The following GRIK2 variants were observed in gnomAD, a reference collection of about 807,000 sequenced individuals.
GRIK2 encodes glutamate ionotropic receptor kainate type subunit 2.
Under a neutral mutation model 100.3 loss-of-function variants are expected in GRIK2, and 32 were observed. The ratio of observed to expected loss-of-function variants is 0.32; its 90% CI spans 0.24 to 0.43. GRIK2 has a LOEUF of 0.43. GRIK2 is among the 20% of genes least tolerant of loss of function. GRIK2 has a pLI of 1.00. For missense variants in GRIK2, 843 were observed against 1,114.9 expected (o/e 0.76, Z 3.47); for synonymous variants, 417 against 389.4 (o/e 1.07, Z -0.83).
At chr6:101,861,660 CTTAATA>C in intron 11 of GRIK2, among the ~76,000 whole-genome samples, 1 of 152,090 alleles carries the variant, frequency 6.6e-6, no homozygotes, top group East Asian at 1.9e-4. Context: ...GAAAATTACT[CTTAATA>C]TTAAAACAAA....
chr6:101,423,470 A>G (rs1435528025), intron 2 of GRIK2, among the ~76,000 whole-genome samples: 1 of 152,016 alleles, frequency 6.6e-6, no homozygotes, highest in Non-Finnish European at 1.5e-5. Context: ...TTTTTTATGT[A>G]TTTATTTTTG....
rs140162005 is a variant in GRIK2 at position 101,803,598 on chromosome 6, A to G, written c.1203+1160A>G. 4.1e-3 allele frequency among the ~76,000 whole-genome samples: 630 copies of G among 152,000 alleles called. 8 individuals are homozygous for G. Among genetic ancestry groups the G allele is most frequent in the African/African-American group, 0.015 (604 of 41,526 alleles). On this transcript the variant is annotated intron_variant, in intron 9 of 16. Coordinates refer to ENST00000369134, the MANE Select transcript of GRIK2 (RefSeq NM_021956.5). ...GTCTGTGTCCAAGACTGGAGTTGAT[A>G]ATGGTAGAATTCAGTAAGCTCGTGA...
At chr6:102,046,101 A>T (rs935602937) in intron 15 of GRIK2, among the ~76,000 whole-genome samples, 1 of 152,146 alleles carries the variant, frequency 6.6e-6, no homozygotes, top group African/African-American at 2.4e-5. Context: ...GAAGGTCATT[A>T]TTTAATGATA....
chr6:101,550,713 G>A (rs915454728), intron 2 of GRIK2, among the ~76,000 whole-genome samples: 1 of 152,178 alleles, frequency 6.6e-6, no homozygotes, highest in Non-Finnish European at 1.5e-5. Flanking sequence ...CTAGTCAACA[G>A]TGAATAGCAT....
intron 2 of GRIK2, among the ~76,000 whole-genome samples, chr6:101,577,066 T>A (rs1227226691): frequency 1.3e-5 from 2 of 152,064 alleles, no homozygotes; most frequent in Non-Finnish European, 2.9e-5. Context: ...AATGTTTGAT[T>A]TCTTAAAGAT....
rs950820104 is a variant in GRIK2, at chr6:101,489,984, T to C, written c.115+90592T>C. Among the ~76,000 whole-genome samples, 2 of 146,806 alleles carry C rather than the reference T, an allele frequency of 1.4e-5. 1 individual carries two copies. The highest frequency in any genetic ancestry group is 5.2e-5 in the African/African-American group (2 of 38,620). On this transcript the variant is annotated intron_variant, in intron 2 of 16. Transcript: ENST00000369134. Reference sequence around the variant, plus strand: ...AAAAAATGTTAAAGTGCTAGTGATATTTTTAAATGACTATAGCTGTTATCT... The same window carrying C: ...AAAAAATGTTAAAGTGCTAGTGATACTTTTAAATGACTATAGCTGTTATCT...
chr6:101,463,048 C>T (rs1582505657), intron 2 of GRIK2, among the ~76,000 whole-genome samples: 1 of 152,110 alleles, frequency 6.6e-6, no homozygotes, highest in Non-Finnish European at 1.5e-5. Flanking sequence ...AATGGTTAGC[C>T]ATCTTAAAGA....
chr6:101,637,828 C>T (rs1351182487), intron 4 of GRIK2, among the ~76,000 whole-genome samples: 3 of 152,208 alleles, frequency 2.0e-5, no homozygotes, highest in Middle Eastern at 3.4e-3. Flanking sequence ...TTATAGCTCT[C>T]TCTTACCAAG....
chr6:102,003,416 C>T (rs982105436), intron 14 of GRIK2, among the ~76,000 whole-genome samples: 1 of 151,582 alleles, frequency 6.6e-6, no homozygotes, highest in African/African-American at 2.4e-5. Context: ...TATCACAACA[C>T]CCAAAACACA....
intron 1 of GRIK2, among the ~76,000 whole-genome samples, chr6:101,398,095 T>C (rs941070925): frequency 5.3e-5 from 8 of 152,024 alleles, no homozygotes; most frequent in Admixed American, 4.6e-4. Flanking sequence ...AACTAGCAAA[T>C]GATAAGACAG....
chr6:101,669,238 T>A (rs1260478903), intron 4 of GRIK2, among the ~76,000 whole-genome samples: 1 of 152,176 alleles, frequency 6.6e-6, no homozygotes, highest in African/African-American at 2.4e-5. Context: ...TTCTACTCTG[T>A]CATTAAATAA....
At chr6:102,038,590 G>A (rs1770400277) in intron 15 of GRIK2, among the ~76,000 whole-genome samples, 2 of 151,438 alleles carry the variant, frequency 1.3e-5, no homozygotes, top group South Asian at 4.1e-4. Context: ...TACTGAAAAT[G>A]ATAATAGTGT....
Position 101,699,718 on chromosome 6 carries a change from T to C in GRIK2, c.951+13365T>C, listed in dbSNP as rs181834417. ...AGTGTCTATAAATCCATGTATATAG[T>C]TGCAATTTAAGAAACAGAGGAGAGA... is the stretch of plus-strand genomic sequence containing the variant. On this transcript the variant is annotated intron_variant, in intron 7 of 16. Coordinates refer to ENST00000369134, the MANE Select transcript of GRIK2 (RefSeq NM_021956.5). Among the ~76,000 whole-genome samples the C allele has an allele frequency of 6.6e-5, 10 of 152,224 alleles. No homozygotes were observed. The East Asian group carries it at 1.5e-3, about 24-fold the overall frequency.
intron 12 of GRIK2, among the ~76,000 whole-genome samples, chr6:101,890,982 TA>T (rs776602191): frequency 7.9e-3 from 95 of 11,980 alleles, no homozygotes; most frequent in African/African-American, 0.031. Flanking sequence ...TGTACATATA[TA>T]TATATATATA....
chr6:101,743,700 A>AT lies in GRIK2; in HGVS notation c.952-55947dup, dbSNP rs201360023. ...TTTCATTCATGATAACAAGTGCCCT[A>AT]TGTAGTATGTCCTATCACTTCCATA... On this transcript the variant is annotated intron_variant, in intron 7 of 16. Transcript: ENST00000369134. Among the ~76,000 whole-genome samples, 1,100 of 152,240 alleles carry AT rather than the reference A, an allele frequency of 7.2e-3. 16 individuals carry two copies. Among genetic ancestry groups the AT allele is most frequent in the African/African-American group, 0.025 (1,057 of 41,548 alleles).
intron 10 of GRIK2, among the ~76,000 whole-genome samples, chr6:101,832,723 AT>A (rs1450006169): frequency 1.3e-5 from 2 of 152,244 alleles, no homozygotes; most frequent in East Asian, 1.9e-4. Flanking sequence ...TATACATTTC[AT>A]TTTTTTAAAA....
intron 2 of GRIK2, among the ~76,000 whole-genome samples, chr6:101,447,708 T>C (rs1770457436): frequency 2.6e-5 from 4 of 151,716 alleles, no homozygotes; most frequent in Admixed American, 2.0e-4. Context: ...GAACTATTGA[T>C]GAGACATTAT....
chr6:101,427,897 C>T (rs1342612183), intron 2 of GRIK2, among the ~76,000 whole-genome samples: 1 of 152,142 alleles, frequency 6.6e-6, no homozygotes, highest in Non-Finnish European at 1.5e-5. Flanking sequence ...TGTAAAATTT[C>T]TGGGATGCTT....
At chr6:101,893,430 ATACT>A (rs1438448172) in intron 12 of GRIK2, among the ~76,000 whole-genome samples, 5 of 151,860 alleles carry the variant, frequency 3.3e-5, no homozygotes, top group South Asian at 2.1e-4. Context: ...GAATTATGTA[ATACT>A]TAGGAATAAA....
Sources: gnomAD v4.1 joint callset for allele counts (sites outside exome capture counted in the v4.1 genomes callset) on GRCh38, gnomAD v4.1.1 for gene constraint, MANE v1.5 for transcripts, NCBI Gene and HGNC (gene_info 2026-07-23, HGNC 2026-07-21) for gene names.